PDE11A: variants seen among roughly 807,000 people sequenced by gnomAD.
PDE11A encodes the protein dual 3',5'-cyclic-AMP and -GMP phosphodiesterase 11A.
In PDE11A, 100 loss-of-function variants were observed where a neutral mutation model predicts 100.5. The ratio of observed to expected loss-of-function variants is 1.00; its 90% CI spans 0.85 to 1.18. PDE11A has a LOEUF of 1.18. PDE11A is among the 50% of genes most tolerant of loss of function. The pLI is 0.00. For missense variants in PDE11A, 1,141 were observed against 1,152.6 expected, an observed-to-expected ratio of 0.99 and a Z score of 0.15; for synonymous variants, 381 against 420.8, an observed-to-expected ratio of 0.91 and a Z score of 1.16.
At chr2:177,738,782 T>C (rs1454655920) in intron 10 of PDE11A, among the ~76,000 whole-genome samples, 1 of 152,132 alleles carries the variant, frequency 6.6e-6, no homozygotes, top group Non-Finnish European at 1.5e-5. Context: ...AGACAACAAT[T>C]CAATGACTGT....
At chr2:177,727,788 C>T (rs1418063000) in intron 11 of PDE11A, 23 bp from the exon 12 acceptor site, 16 of 1,398,792 alleles carry the variant, frequency 1.1e-5, no homozygotes, top group Admixed American at 1.7e-5. Flanking sequence ...GGAGAGGGTG[C>T]GTCAGGCAGT....
In PDE11A at chr2:177,997,355, G is replaced by A. The variant is rs192074455; in HGVS notation, c.1071+16947C>T. On this transcript the variant is annotated intron_variant, in intron 2 of 19. Coordinates refer to ENST00000286063, the MANE Select transcript of PDE11A (RefSeq NM_016953.4). Reference sequence around the variant, plus strand: ...CCTGGCATCTCTTTTTTGTTCTGCTGAAGATTTCTGGGGTGGTGAACCTGA... The same window carrying A: ...CCTGGCATCTCTTTTTTGTTCTGCTAAAGATTTCTGGGGTGGTGAACCTGA... The A allele has an allele frequency of 4.7e-6, 4 of 856,984 alleles. No individual in the cohort carries two copies. The African/African-American group carries it at 5.0e-5, about 11-fold the overall frequency. 53.1% of individuals were successfully genotyped at this position (856,984 alleles called of 1,614,324 possible). A position where few individuals can be genotyped will look rare whatever the true frequency, so the allele number is the denominator to read the frequency against.
At chr2:177,640,144 T>C (rs1408260484) in intron 19 of PDE11A, among the ~76,000 whole-genome samples, 1 of 152,198 alleles carries the variant, frequency 6.6e-6, no homozygotes, top group Non-Finnish European at 1.5e-5. Flanking sequence ...AATCAGAAAC[T>C]AAGTGACACA....
At chr2:177,806,978 A>AGG (rs2082881839) in intron 9 of PDE11A, among the ~76,000 whole-genome samples, 1 of 152,098 alleles carries the variant, frequency 6.6e-6, no homozygotes, top group African/African-American at 2.4e-5. Flanking sequence ...AAAGAGAGAG[A>AGG]GAATAGGAAA....
At chr2:177,774,338 G>C (rs745716283) in intron 9 of PDE11A, among the ~76,000 whole-genome samples, 8 of 152,218 alleles carry the variant, frequency 5.3e-5, no homozygotes, top group Middle Eastern at 3.4e-3. Context: ...CCTCAGTTTT[G>C]GTTCTGCCCC....
At chr2:178,003,123 T>A (rs2086164543) in intron 2 of PDE11A, among the ~76,000 whole-genome samples, 4 of 152,166 alleles carry the variant, frequency 2.6e-5, no homozygotes, top group Admixed American at 2.6e-4. Flanking sequence ...GCAGCTGTTT[T>A]GCAAAACAGT....
At chr2:177,941,416 TTTG>T (rs1336890581) in intron 2 of PDE11A, among the ~76,000 whole-genome samples, 1 of 152,154 alleles carries the variant, frequency 6.6e-6, no homozygotes, top group Non-Finnish European at 1.5e-5. Flanking sequence ...GATGCAAGTG[TTTG>T]TATAGCAGCA....
At chr2:177,718,100 G>A (rs2081469776) in intron 12 of PDE11A, among the ~76,000 whole-genome samples, 1 of 152,200 alleles carries the variant, frequency 6.6e-6, no homozygotes, top group South Asian at 2.1e-4. Flanking sequence ...TTGAGAAGAG[G>A]CCTGGGATAA....
intron 10 of PDE11A, among the ~76,000 whole-genome samples, chr2:177,750,914 T>C (rs1016484478): frequency 3.3e-5 from 5 of 152,330 alleles, no homozygotes; most frequent in African/African-American, 1.2e-4. Flanking sequence ...TATTACAGAA[T>C]CGCCTGGGGG....
intron 19 of PDE11A, among the ~76,000 whole-genome samples, chr2:177,635,567 T>C (rs531367334): frequency 6.4e-4 from 98 of 152,348 alleles, no homozygotes; most frequent in Non-Finnish European, 1.1e-3. Context: ...ATTTTATTTA[T>C]GTTTTGAATA....
At chr2:177,881,090 G>A (rs2084326222) in intron 4 of PDE11A, among the ~76,000 whole-genome samples, 1 of 152,146 alleles carries the variant, frequency 6.6e-6, no homozygotes, top group Admixed American at 6.5e-5. Flanking sequence ...AATCCACTGA[G>A]GGCTCAGATA....
At chr2:178,089,739 T>G (rs947239509) in intron 2 of PDE11A, among the ~76,000 whole-genome samples, 1 of 152,106 alleles carries the variant, frequency 6.6e-6, no homozygotes. Context: ...GGCCTAAGGT[T>G]GTTGTAGATC....
intron 16 of PDE11A, chr2:177,678,067 G>A (rs1432867537): frequency 6.6e-6 from 1 of 152,190 alleles, no homozygotes; most frequent in Non-Finnish European, 1.5e-5. Flanking sequence ...ATGACACTTT[G>A]CAGTTTGCAC....
chr2:178,043,522 T>C (rs563663024), intron 1 of PDE11A, among the ~76,000 whole-genome samples: 1 of 152,290 alleles, frequency 6.6e-6, no homozygotes, highest in South Asian at 2.1e-4. Context: ...GTCATACCAA[T>C]TACTCCAGCA....
chr2:178,049,003 G>A (rs1335843028), intron 1 of PDE11A, among the ~76,000 whole-genome samples: 1 of 152,154 alleles, frequency 6.6e-6, no homozygotes, highest in African/African-American at 2.4e-5. Context: ...CTCAGTGCTT[G>A]TTTCCTAATC....
At chr2:177,701,246 A>G (rs2081192337) in intron 13 of PDE11A, 35 bp from the exon 14 acceptor site, 1 of 1,022,106 alleles carries the variant, frequency 9.8e-7, no homozygotes. Flanking sequence ...AGCAGGGCCT[A>G]TCGATGGTTC....
At chr2:177,845,191 G>T (rs1341707215) in intron 5 of PDE11A, among the ~76,000 whole-genome samples, 1 of 150,908 alleles carries the variant, frequency 6.6e-6, no homozygotes, top group East Asian at 2.0e-4. Context: ...CCTCCCTCCC[G>T]GACGGGGTGG....
chr2:177,811,422 G>T (rs1462059364), intron 9 of PDE11A, among the ~76,000 whole-genome samples: 3 of 151,300 alleles, frequency 2.0e-5, no homozygotes, highest in African/African-American at 7.3e-5. Context: ...TTTAACAATA[G>T]AATTGTATAA....
At chr2:177,779,243 C>T (rs1334988264) in intron 9 of PDE11A, among the ~76,000 whole-genome samples, 1 of 152,146 alleles carries the variant, frequency 6.6e-6, no homozygotes, top group Non-Finnish European at 1.5e-5. Context: ...ATCATCTGAG[C>T]CTTCAGCAAG....
Sources: gnomAD v4.1 joint callset for allele counts (sites outside exome capture counted in the v4.1 genomes callset) on GRCh38, gnomAD v4.1.1 for gene constraint, MANE v1.5 for transcripts, NCBI Gene and HGNC (gene_info 2026-07-23, HGNC 2026-07-21) for gene names.